RBFOX3: variants seen among roughly 807,000 people sequenced by gnomAD.
The protein encoded by RBFOX3 is RNA binding fox-1 homolog 3.
In RBFOX3, 17 loss-of-function variants were observed where a neutral mutation model predicts 48.7. That is an observed-to-expected ratio of 0.35 (90% CI 0.24 to 0.52). The LOEUF (loss-of-function observed/expected upper bound fraction) is 0.52. RBFOX3 is among the 20% of genes least tolerant of loss of function. The pLI, the probability that RBFOX3 is intolerant of heterozygous loss-of-function variation, is 0.94. For missense variants in RBFOX3, 382 were observed against 497.5 expected, an observed-to-expected ratio of 0.77 and a Z score of 2.21; for synonymous variants, 212 against 209.5, an observed-to-expected ratio of 1.01 and a Z score of -0.10.
intron 3 of RBFOX3, among the ~76,000 whole-genome samples, chr17:79,260,818 T>G (rs543045565): frequency 1.3e-5 from 2 of 152,184 alleles, no homozygotes; most frequent in East Asian, 3.9e-4. Flanking sequence ...ACAGAGCAAC[T>G]CCAAAGTCCT....
rs2058531869 is a variant in RBFOX3 at position 79,212,637 on chromosome 17, C to CCAGGGAGAGTAATTGCAGGGAGA, written c.-34+23128_-34+23129insTCTCCCTGCAATTACTCTCCCTG. On this transcript the variant is annotated intron_variant, in intron 4 of 14. Coordinates refer to ENST00000693108, the MANE Select transcript of RBFOX3 (RefSeq NM_001350451.2). The surrounding 1 kb of genome is among the most constrained non-coding windows in gnomAD (Gnocchi z 4.7). The stretch of plus-strand genomic sequence containing the variant: ...CTTCCCCAGCCCTGGAGGGCCTCCC[C>CCAGGGAGAGTAATTGCAGGGAGA]GTAATTGCAGGCCTTACTCTCTCTG... Among the ~76,000 whole-genome samples the CCAGGGAGAGTAATTGCAGGGAGA allele has an allele frequency of 6.6e-6, 1 of 152,204 alleles. No individual in the cohort carries two copies. Among genetic ancestry groups the CCAGGGAGAGTAATTGCAGGGAGA allele is most frequent in the Middle Eastern group, 3.2e-3 (1 of 316 alleles).
At chr17:79,295,921 T>G (rs552505839) in intron 3 of RBFOX3, among the ~76,000 whole-genome samples, 1 of 152,254 alleles carries the variant, frequency 6.6e-6, no homozygotes, top group East Asian at 1.9e-4. Flanking sequence ...TAAATAATAC[T>G]TAATTGATGA....
At chr17:79,275,123 C>CTCTCTCTCTCTCT (rs2068516595) in intron 3 of RBFOX3, among the ~76,000 whole-genome samples, 3 of 130,658 alleles carry the variant, frequency 2.3e-5, no homozygotes, top group African/African-American at 3.0e-5. Context: ...TCCATGTCTC[C>CTCTCTCTCTCTCT]CTCTCTCTCT....
intron 1 of RBFOX3, among the ~76,000 whole-genome samples, chr17:79,557,791 G>A (rs879152740): frequency 0.6 from 90,600 of 152,006 alleles, 27,815 homozygotes; most frequent in East Asian, 0.92. Context: ...GAGGCCTCCT[G>A]GGCCACTGCA....
At chr17:79,598,162 A>AG (rs2093612923) in intron 1 of RBFOX3, 1 of 152,304 alleles carries the variant, frequency 6.6e-6, no homozygotes, top group Admixed American at 6.5e-5. Context: ...AAGCCACAGG[A>AG]GCAGGAGCGC....
intron 2 of RBFOX3, among the ~76,000 whole-genome samples, chr17:79,469,544 C>A (rs1403299660): frequency 1.3e-5 from 2 of 152,206 alleles, no homozygotes; most frequent in African/African-American, 4.8e-5. Flanking sequence ...AGCTGACCAC[C>A]TGCTCGCACC....
At chr17:79,191,115 G>A (rs969840996) in intron 4 of RBFOX3, among the ~76,000 whole-genome samples, 1 of 152,202 alleles carries the variant, frequency 6.6e-6, no homozygotes, top group Non-Finnish European at 1.5e-5. Context: ...GAGGCAGCAA[G>A]GGTCCACCTC....
chr17:79,403,564 G>T (rs1308873167), intron 2 of RBFOX3, among the ~76,000 whole-genome samples: 3 of 152,178 alleles, frequency 2.0e-5, no homozygotes, highest in Non-Finnish European at 2.9e-5. Flanking sequence ...CAGACCCACA[G>T]GTCTAGCCAC....
intron 1 of RBFOX3, among the ~76,000 whole-genome samples, chr17:79,517,939 C>G (rs2085492970): frequency 6.6e-6 from 1 of 152,132 alleles, no homozygotes; most frequent in South Asian, 2.1e-4. Context: ...CGGTATTGAT[C>G]CTGAAGTGCA....
At chr17:79,490,808 G>A (rs919623455) in intron 1 of RBFOX3, among the ~76,000 whole-genome samples, 2 of 151,300 alleles carry the variant, frequency 1.3e-5, no homozygotes, top group African/African-American at 4.9e-5. Context: ...GCTCTAGAAG[G>A]TTGGGGCCTT....
At chr17:79,297,452 T>C (rs1438125667) in intron 3 of RBFOX3, among the ~76,000 whole-genome samples, 1 of 128,208 alleles carries the variant, frequency 7.8e-6, no homozygotes, top group East Asian at 2.4e-4. Flanking sequence ...CCTGGTGACA[T>C]GGCTTCCTCG....
rs76250208 is a variant in RBFOX3 at position 79,216,638 on chromosome 17, C to T, written c.-34+19128G>A. Among the ~76,000 whole-genome samples, 441 of 152,306 alleles carry T rather than the reference C, an allele frequency of 2.9e-3. 4 individuals are homozygous for T. The highest frequency in any genetic ancestry group is 0.01 in the African/African-American group (418 of 41,562). ...GTGTGGGCTTCTCTGTGGCAGTGAG[C>T]AGAACCCAGGTGGGGACAGGGTCAC... On this transcript the variant is annotated intron_variant, in intron 4 of 14. Coordinates refer to ENST00000693108, the MANE Select transcript of RBFOX3 (RefSeq NM_001350451.2).
At chr17:79,577,231 G>A (rs905472654) in intron 1 of RBFOX3, among the ~76,000 whole-genome samples, 5 of 152,138 alleles carry the variant, frequency 3.3e-5, no homozygotes, top group Admixed American at 2.0e-4. Context: ...CTAGATTTCC[G>A]ACAATTCTGG....
chr17:79,283,816 CTA>C (rs1471864273), intron 3 of RBFOX3, among the ~76,000 whole-genome samples: 1 of 152,242 alleles, frequency 6.6e-6, no homozygotes, highest in African/African-American at 2.4e-5. Flanking sequence ...GCCTAGAACT[CTA>C]TGACTGCTTC....
In RBFOX3 at chr17:79,132,374, C is replaced by T. The variant is rs1210718933; in HGVS notation, c.-33-16626G>A. On this transcript the variant is annotated intron_variant, in intron 4 of 14. Transcript: ENST00000693108. ...GCCAATCACTGCCCCGGATGAGCAG[C>T]GGCCTACAGCCCTATTCCATGCACG... Among the ~76,000 whole-genome samples the T allele has an allele frequency of 3.3e-5, 5 of 152,330 alleles. No individual in the cohort carries two copies. In the South Asian group the frequency reaches 6.2e-4, roughly 19 times the overall value.
the RBFOX3 span, among the ~76,000 whole-genome samples, chr17:79,637,397 T>A: frequency 6.6e-6 from 1 of 152,056 alleles, no homozygotes; most frequent in African/African-American, 2.4e-5. Flanking sequence ...GATCACATGT[T>A]AGGTCACAAA....
chr17:79,240,453 A>G (rs2062193711), intron 3 of RBFOX3, among the ~76,000 whole-genome samples: 1 of 152,218 alleles, frequency 6.6e-6, no homozygotes, highest in South Asian at 2.1e-4. Flanking sequence ...GGATTTCTGC[A>G]TGGATGTGTC....
chr17:79,468,962 GGATGGA>G, intron 2 of RBFOX3, among the ~76,000 whole-genome samples: 1 of 147,298 alleles, frequency 6.8e-6, no homozygotes. Flanking sequence ...ATGGATGGAT[GGATGGA>G]TGGATGGATG....
intron 4 of RBFOX3, among the ~76,000 whole-genome samples, chr17:79,123,432 CCT>C (rs2036302776): frequency 6.6e-6 from 1 of 152,104 alleles, no homozygotes; most frequent in Admixed American, 6.6e-5. Flanking sequence ...TGCCCTTCCC[CCT>C]CTGAGTGCCT....
Sources: gnomAD v4.1 joint callset for allele counts (sites outside exome capture counted in the v4.1 genomes callset) on GRCh38, gnomAD v4.1.1 for gene constraint, Gnocchi (gnomAD v3.1) non-coding constraint, MANE v1.5 for transcripts, NCBI Gene and HGNC (gene_info 2026-07-23, HGNC 2026-07-21) for gene names.